The following ZNF823 variants were observed in gnomAD, a reference collection of about 807,000 sequenced individuals.
The protein encoded by ZNF823 is ZFP 36 for a zinc finger protein.
Under a neutral mutation model 11.4 loss-of-function variants are expected in ZNF823, and 5 were observed. That is an observed-to-expected ratio of 0.44 (90% CI 0.23 to 0.92). The LOEUF (loss-of-function observed/expected upper bound fraction) is 0.92. Ranked by LOEUF, ZNF823 falls within the 40% of genes least tolerant of loss-of-function variation. The pLI, the probability that ZNF823 is intolerant of heterozygous loss-of-function variation, is 0.24. For synonymous variants in ZNF823, 234 were observed against 250.5 expected, an observed-to-expected ratio of 0.93 and a Z score of 0.62; for missense variants, 582 against 738.5, an observed-to-expected ratio of 0.79 and a Z score of 2.46.
chr19:11,724,079 T>G (rs914035708), intron 3 of ZNF823, 115 bp downstream of exon 3: 2 of 835,450 alleles, frequency 2.4e-6, no homozygotes, highest in Non-Finnish European at 3.6e-6. Context: ...AAAGAATTAT[T>G]GGAATGAATA....
intron 1 of ZNF823, among the ~76,000 whole-genome samples, chr19:11,735,192 T>A (rs1351642337): frequency 1.3e-5 from 2 of 150,512 alleles, no homozygotes; most frequent in African/African-American, 4.9e-5. Flanking sequence ...GGAGAATCAC[T>A]TGAACCTGGG....
chr19:11,727,848 A>G (rs577858621), intron 1 of ZNF823, among the ~76,000 whole-genome samples: 101 of 152,064 alleles, frequency 6.6e-4, no homozygotes, highest in Non-Finnish European at 1.3e-3. Context: ...CAGTTGGTAC[A>G]AGGACTATCC....
In ZNF823 at chr19:11,723,179, C is replaced by T. The variant is rs764864819; in HGVS notation, c.355G>A (p.Val119Ile). The change falls in exon 4 of 4, where the codon GTT (valine) becomes ATT (isoleucine). Residue 119 changes from valine to isoleucine, a missense_variant. By Grantham distance (29) the Val-to-Ile change is conservative (BLOSUM62 3). Around this residue, in one of 3 missense-constraint regions of ZNF823, gnomAD observed 429 missense variants for 553.7 expected, o/e 0.77. Coordinates refer to ENST00000341191, the MANE Select transcript of ZNF823 (RefSeq NM_001080493.4). ...GHSSLNCNIR[V>I]DTGHKSCEHQ... ...TCACATGATTTGTGTCCAGTGTCAA[C>T]TCTGATGTTGCAATTAAGAGACGAA... 6.2e-7 allele frequency: 1 copy of T among 1,614,172 alleles called. No individual in the cohort carries two copies. Among genetic ancestry groups the T allele is most frequent in the South Asian group, 1.1e-5 (1 of 91,088 alleles).
At chr19:11,737,675 C>T (rs78079733) in intron 1 of ZNF823, among the ~76,000 whole-genome samples, 15 of 149,994 alleles carry the variant, frequency 1.0e-4, no homozygotes, top group African/African-American at 2.9e-4. Flanking sequence ...CCATACATTG[C>T]TATGTGAAAA....
rs1342686699 is a variant in ZNF823, at chr19:11,722,530, T to A, written c.1004A>T (p.Lys335Met). The change falls in exon 4 of 4, where the codon AAG becomes ATG. Residue 335 changes from lysine to methionine, a missense_variant. Lys to Met is a moderately conservative substitution (Grantham distance 95). Transcript: ENST00000341191. This position sits in a 1 kb window ranked among gnomAD's most constrained non-coding sequence, Gnocchi z 5.2. ...ACAATCAAAGCCTTTCCCACATATC[T>A]TACATTTATGTGGTCCGTCTCCAGT... is the stretch of plus-strand genomic sequence containing the variant. ...RHTGDGPHKC[K>M]ICGKGFDCPS... 6.2e-7 allele frequency: 1 copy of A among 1,614,204 alleles called. No individual in the cohort carries two copies. The highest frequency in any genetic ancestry group is 8.5e-7 in the Non-Finnish European group (1 of 1,180,014).
chr19:11,721,778 T>C lies in ZNF823; in HGVS notation c.1756A>G (p.Lys586Glu), dbSNP rs1262613627. ...GAACTCAATGCTTTCCCACATTCCT[T>C]ACATTCATACAGCTTCTCTCCAGTG... Reference protein sequence around the residue: ...THTGEKLYECKECGKALSSLR... With the variant: ...THTGEKLYECEECGKALSSLR... The change falls in exon 4 of 4, where the codon AAG becomes GAG. Residue 586 changes from lysine to glutamate, a missense_variant. This residue lies in a region of ZNF823 where 144 missense variants were observed against 154.3 expected (regional missense o/e 0.93). Coordinates refer to ENST00000341191, the MANE Select transcript of ZNF823 (RefSeq NM_001080493.4). 1.9e-6 allele frequency: 3 copies of C among 1,614,180 alleles called. No homozygotes were observed. Among genetic ancestry groups the C allele is most frequent in the Admixed American group, 3.3e-5 (2 of 60,014 alleles).
rs1016354265 is a variant in ZNF823 at position 11,721,530 on chromosome 19, G to T, written c.*171C>A. The T allele has an allele frequency of 3.2e-5, 20 of 624,660 alleles. No individual in the cohort carries two copies. Among genetic ancestry groups the T allele is most frequent in the Non-Finnish European group, 5.4e-6 (2 of 370,498 alleles). The allele number at this position is 624,660 out of a possible 1,614,324, so 38.7% of individuals were successfully genotyped here. On this transcript the variant is annotated 3_prime_UTR_variant, in exon 4 of 4. Coordinates refer to ENST00000341191, the MANE Select transcript of ZNF823 (RefSeq NM_001080493.4). Reference sequence around the variant, plus strand: ...AAAGGACTTGGCATCTGTGGATTTAGAGGGTGCTGGAACCAATCCCCTGCA... The same window carrying T: ...AAAGGACTTGGCATCTGTGGATTTATAGGGTGCTGGAACCAATCCCCTGCA...
rs781589698 is a variant in ZNF823, at chr19:11,722,907, C to T, written c.627G>A (p.Leu209=). Residue 209 remains leucine, a synonymous_variant, in exon 4 of 4, where the codon TTG becomes TTA. Coordinates refer to ENST00000341191, the MANE Select transcript of ZNF823 (RefSeq NM_001080493.4). The surrounding 1 kb of genome is among the most constrained non-coding windows in gnomAD (Gnocchi z 5.2). ...TCTCTCCAGTGTGTGTTCTTTCGTG[C>T]AAATGAAATAAACTGGGCCAAACAA... ...KAFVWPSLFH[L]HERTHTGEKP... 6.2e-7 allele frequency: 1 copy of T among 1,614,142 alleles called. No individual in the cohort carries two copies. Among genetic ancestry groups the T allele is most frequent in the Admixed American group, 1.7e-5 (1 of 60,002 alleles).
At chr19:11,738,723 GC>G in intron 1 of ZNF823, 93 bp downstream of exon 1, 2 of 1,457,900 alleles carry the variant, frequency 1.4e-6, no homozygotes, top group Non-Finnish European at 1.8e-6. Flanking sequence ...CCCCGGAGTC[GC>G]CCAGGGCGAG....
At position 11,732,500 on chromosome 19, in the gene ZNF823, C is replaced by T. The variant is rs201763366; in HGVS notation, c.3+6317G>A. On this transcript the variant is annotated intron_variant, in intron 1 of 3. Transcript: ENST00000341191. Reference sequence around the variant, plus strand: ...ATTTTTAGTAGAAACGGGGTTTCACCGTGTTAGCCAGGATGGTCTCGATCT... The same window carrying T: ...ATTTTTAGTAGAAACGGGGTTTCACTGTGTTAGCCAGGATGGTCTCGATCT... Among the ~76,000 whole-genome samples the T allele has an allele frequency of 1.6e-4, 23 of 148,380 alleles. No individual in the cohort carries two copies. In the East Asian group the frequency reaches 3.9e-3, roughly 25 times the overall value.
Position 11,728,820 on chromosome 19 carries a change from T to C in ZNF823, c.4-3493A>G, listed in dbSNP as rs1018608993. Among the ~76,000 whole-genome samples the C allele has an allele frequency of 2.0e-5, 3 of 149,204 alleles. No homozygotes were observed. In the South Asian group the frequency reaches 6.3e-4, roughly 31 times the overall value. ...TAATCCAATTATGTCAATACCACTT[T>C]GAATGTGTATATCTACATATACCAG... On this transcript the variant is annotated intron_variant, in intron 1 of 3. Transcript: ENST00000341191.
intron 1 of ZNF823, among the ~76,000 whole-genome samples, chr19:11,733,228 G>A (rs1405054178): frequency 2.0e-5 from 3 of 151,996 alleles, no homozygotes; most frequent in African/African-American, 4.8e-5. Flanking sequence ...TTAGTTGGGC[G>A]TGGTGGCACG....
At chr19:11,723,608 C>T (rs1179983128) in intron 3 of ZNF823, among the ~76,000 whole-genome samples, 1 of 152,098 alleles carries the variant, frequency 6.6e-6, no homozygotes, top group African/African-American at 2.4e-5. Flanking sequence ...TGCAATGGCA[C>T]AGTCTCGGCT....
Position 11,722,335 on chromosome 19 carries a change from G to C in ZNF823, c.1199C>G (p.Pro400Arg). The C allele has an allele frequency of 6.2e-7, 1 of 1,612,194 alleles. No homozygotes were observed. Among genetic ancestry groups the C allele is most frequent in the Non-Finnish European group, 8.5e-7 (1 of 1,179,488 alleles). Residue 400 changes from proline to arginine, a missense_variant, in exon 4 of 4, where the codon CCC (proline) becomes CGC (arginine). Pro to Arg is a moderately radical substitution (Grantham distance 103, BLOSUM62 -2). This residue lies in a region of ZNF823 where 429 missense variants were observed against 553.7 expected (regional missense o/e 0.77). Transcript: ENST00000341191. The surrounding 1 kb of genome is among the most constrained non-coding windows in gnomAD (Gnocchi z 5.2). Reference sequence around the variant, plus strand: ...CCTTTCATGTCTTTGAAATAAACTGGGACAACCAAAGGCTTTCCCACATAT... The same window carrying C: ...CCTTTCATGTCTTTGAAATAAACTGCGACAACCAAAGGCTTTCCCACATAT... ...CKICGKAFGC[P>R]SLFQRHERTH... is the part of the protein sequence containing the mutation.
chr19:11,737,911 T>G (rs1018552374), intron 1 of ZNF823, among the ~76,000 whole-genome samples: 3 of 152,074 alleles, frequency 2.0e-5, no homozygotes, highest in African/African-American at 7.2e-5. Flanking sequence ...CGGTCACCTT[T>G]GGGAAGAAAG....
At position 11,725,309 on chromosome 19, in the gene ZNF823, C is replaced by T. The variant is rs1974770752; in HGVS notation, c.22G>A (p.Asp8Asn). The T allele has an allele frequency of 6.2e-7, 1 of 1,613,888 alleles. No individual in the cohort carries two copies. The highest frequency in any genetic ancestry group is 8.5e-7 in the Non-Finnish European group (1 of 1,179,914). ...TCTTGTGTGAAGTTCACAGCCACAT[C>T]TTCAAAGGCCACTGAGTCCTGAAAC... MDSVAFE[D>N]VAVNFTQEEW... Residue 8 changes from aspartate to asparagine, a missense_variant, in exon 2 of 4, where the codon GAT (aspartate) becomes AAT (asparagine). Asp to Asn is a conservative substitution (Grantham distance 23). Coordinates refer to ENST00000341191, the MANE Select transcript of ZNF823 (RefSeq NM_001080493.4).
At chr19:11,731,236 C>T (rs1162853886) in intron 1 of ZNF823, among the ~76,000 whole-genome samples, 4 of 151,956 alleles carry the variant, frequency 2.6e-5, no homozygotes, top group African/African-American at 9.6e-5. Context: ...CGCTTGAACC[C>T]GGGAGGCAGA....
chr19:11,737,780 C>T (rs1394477672), intron 1 of ZNF823, among the ~76,000 whole-genome samples: 3 of 152,032 alleles, frequency 2.0e-5, no homozygotes, highest in African/African-American at 7.3e-5. Flanking sequence ...GACAGTTAGC[C>T]TGGGGAAGGC....
chr19:11,721,926 G>A lies in ZNF823; in HGVS notation c.1608C>T (p.Phe536=), dbSNP rs1454319267. Residue 536 remains phenylalanine, a synonymous_variant, in exon 4 of 4, where the codon TTC becomes TTT. Coordinates refer to ENST00000341191, the MANE Select transcript of ZNF823 (RefSeq NM_001080493.4). ...GTCGTAGAAGGCAAGTGAGCCAAGAGAATGCTTTTCCACATTCCTTACATT... is the reference window on the plus strand; with the variant it reads ...GTCGTAGAAGGCAAGTGAGCCAAGAAAATGCTTTTCCACATTCCTTACATT... ...PYECKECGKA[F]SWLTCLLRHE... The A allele has an allele frequency of 3.1e-6, 5 of 1,613,704 alleles. No homozygotes were observed. Among genetic ancestry groups the A allele is most frequent in the Non-Finnish European group, 4.2e-6 (5 of 1,179,902 alleles).
Sources: gnomAD v4.1 joint callset for allele counts (sites outside exome capture counted in the v4.1 genomes callset) on GRCh38, gnomAD v4.1.1 for gene constraint, gnomAD v4.1.1 regional missense constraint, Gnocchi (gnomAD v3.1) non-coding constraint, MANE v1.5 for transcripts, NCBI Gene and HGNC (gene_info 2026-07-23, HGNC 2026-07-21) for gene names.